CTNND2: variants seen among roughly 807,000 people sequenced by gnomAD.
CTNND2 encodes the protein catenin delta-2.
In CTNND2, 22 loss-of-function variants were observed where a neutral mutation model predicts 144.4. The observed-to-expected ratio is 0.15, with a 90% CI of 0.11 to 0.22. The LOEUF is 0.22. Ranked by LOEUF, CTNND2 falls within the 10% of genes least tolerant of loss-of-function variation. The pLI is 1.00. For synonymous variants in CTNND2, 751 were observed against 695.6 expected (o/e 1.08, Z -1.25); for missense variants, 1,353 against 1,618.8 (o/e 0.84, Z 2.82).
At chr5:11,374,249 G>C (rs1447518159) in intron 7 of CTNND2, among the ~76,000 whole-genome samples, 1 of 152,220 alleles carries the variant, frequency 6.6e-6, no homozygotes, top group African/African-American at 2.4e-5. Context: ...AAATTATGGA[G>C]TGATTGAAAT....
At chr5:10,992,445 G>C in intron 19 of CTNND2, 106 bp downstream of exon 19, 3 of 1,504,672 alleles carry the variant, frequency 2.0e-6, no homozygotes, top group Non-Finnish European at 2.8e-6. Flanking sequence ...GCGAAGGTCT[G>C]AATGGAAGGC....
intron 16 of CTNND2, among the ~76,000 whole-genome samples, chr5:11,080,846 TG>T (rs1366524380): frequency 2.6e-5 from 4 of 151,960 alleles, no homozygotes; most frequent in African/African-American, 9.7e-5. Flanking sequence ...GAGGCCGAGG[TG>T]GGTGGATTAC....
intron 2 of CTNND2, among the ~76,000 whole-genome samples, chr5:11,608,558 C>T (rs964630001): frequency 6.6e-6 from 1 of 152,126 alleles, no homozygotes; most frequent in African/African-American, 2.4e-5. Flanking sequence ...CTACCCCACA[C>T]AAATACATCA....
chr5:11,169,106 C>T (rs1759641620), intron 11 of CTNND2, among the ~76,000 whole-genome samples: 2 of 152,106 alleles, frequency 1.3e-5, no homozygotes, highest in African/African-American at 4.8e-5. Flanking sequence ...CATTTCAAGA[C>T]CCTCCCCTCA....
chr5:11,229,206 G>C (rs1001797072), intron 10 of CTNND2, among the ~76,000 whole-genome samples: 3 of 152,146 alleles, frequency 2.0e-5, no homozygotes, highest in Non-Finnish European at 4.4e-5. Context: ...AATAAAGTTT[G>C]AATTTTTGAA....
At chr5:11,183,441 C>A (rs568911604) in intron 11 of CTNND2, among the ~76,000 whole-genome samples, 3 of 152,266 alleles carry the variant, frequency 2.0e-5, no homozygotes, top group South Asian at 4.2e-4. Context: ...TCAGAAAATG[C>A]CCCAAGGTCA....
intron 2 of CTNND2, among the ~76,000 whole-genome samples, chr5:11,585,993 G>C (rs1778835603): frequency 6.6e-6 from 1 of 152,150 alleles, no homozygotes; most frequent in African/African-American, 2.4e-5. Flanking sequence ...GGAGGCGTGG[G>C]AGGGATGGGT....
In CTNND2 at chr5:11,732,089, T is replaced by G. The variant is rs370489708; in HGVS notation, c.174+47A>C. ...TTAACGTTCATCTAGAAAAACAATT[T>G]TTAAAATGTCCCCAAACGCATATCA... On this transcript the variant is annotated intron_variant, in intron 2 of 21. Coordinates refer to ENST00000304623, the MANE Select transcript of CTNND2 (RefSeq NM_001332.4). 77 of 1,566,276 alleles carry G rather than the reference T, an allele frequency of 4.9e-5. No homozygotes were observed. In the Admixed American group the frequency reaches 1.3e-3, roughly 27 times the overall value.
Position 11,590,726 on chromosome 5 carries a change from C to T in CTNND2, c.175-25670G>A, listed in dbSNP as rs192552332. Among the ~76,000 whole-genome samples the T allele has an allele frequency of 8.8e-3, 1,342 of 152,248 alleles. 13 individuals are homozygous for T. The highest frequency in any genetic ancestry group is 0.021 in the East Asian group (108 of 5,134). ...TGTACTTTGTATGATACATCCTCCC[C>T]GCTCTTGAGAATGTACTTTGTAACA... On this transcript the variant is annotated intron_variant, in intron 2 of 21. Transcript: ENST00000304623.
intron 2 of CTNND2, among the ~76,000 whole-genome samples, chr5:11,700,168 A>G (rs1263803128): frequency 1.3e-5 from 2 of 152,148 alleles, no homozygotes; most frequent in Non-Finnish European, 2.9e-5. Flanking sequence ...AGGGCAGATC[A>G]TTTAAGGTCA....
At chr5:11,568,291 T>C (rs1367407642) in intron 2 of CTNND2, among the ~76,000 whole-genome samples, 3 of 152,200 alleles carry the variant, frequency 2.0e-5, no homozygotes, top group East Asian at 3.9e-4. Flanking sequence ...ATGAACTCCC[T>C]GGACTCTCAG....
chr5:11,212,710 A>G (rs974712356), intron 10 of CTNND2, among the ~76,000 whole-genome samples: 2 of 152,220 alleles, frequency 1.3e-5, no homozygotes, highest in African/African-American at 2.4e-5. Context: ...TGGAGCCCAC[A>G]TGGCTGAGGC....
chr5:11,370,062 AT>A (rs1757328146), intron 7 of CTNND2, among the ~76,000 whole-genome samples: 1 of 152,174 alleles, frequency 6.6e-6, no homozygotes, highest in Admixed American at 6.5e-5. Flanking sequence ...TTAACTCAAA[AT>A]TTCAAAATCA....
At chr5:11,448,504 CTGTG>C (rs572197021) in intron 3 of CTNND2, among the ~76,000 whole-genome samples, 7 of 151,356 alleles carry the variant, frequency 4.6e-5, no homozygotes, top group South Asian at 4.2e-4. Context: ...TATTGTCTGT[CTGTG>C]TGTGTGTGTG....
intron 9 of CTNND2, among the ~76,000 whole-genome samples, chr5:11,277,258 G>A (rs771015803): frequency 4.6e-5 from 7 of 151,740 alleles, no homozygotes; most frequent in African/African-American, 1.7e-4. Flanking sequence ...GAAAATGTAA[G>A]CTTTTGAAAC....
intron 3 of CTNND2, among the ~76,000 whole-genome samples, chr5:11,491,826 A>G (rs1769416989): frequency 1.3e-5 from 2 of 152,186 alleles, no homozygotes; most frequent in Non-Finnish European, 2.9e-5. Context: ...TGTTTTAAAT[A>G]ACATATCTGA....
chr5:11,491,471 C>T (rs904754458), intron 3 of CTNND2, among the ~76,000 whole-genome samples: 22 of 152,120 alleles, frequency 1.4e-4, no homozygotes, highest in Non-Finnish European at 2.5e-4. Context: ...ACTCATGTGT[C>T]GAGAAGTTAA....
intron 9 of CTNND2, among the ~76,000 whole-genome samples, chr5:11,309,580 T>C (rs542660225): frequency 2.0e-5 from 3 of 152,280 alleles, no homozygotes; most frequent in South Asian, 2.1e-4. Flanking sequence ...GGCTCATCCA[T>C]GGAAAGGACT....
intron 13 of CTNND2, among the ~76,000 whole-genome samples, chr5:11,111,397 G>A (rs1226769209): frequency 6.6e-6 from 1 of 152,106 alleles, no homozygotes; most frequent in Non-Finnish European, 1.5e-5. Flanking sequence ...TCCCTGGCTG[G>A]GGATTGGGGA....
Sources: gnomAD v4.1 joint callset for allele counts (sites outside exome capture counted in the v4.1 genomes callset) on GRCh38, gnomAD v4.1.1 for gene constraint, MANE v1.5 for transcripts, NCBI Gene and HGNC (gene_info 2026-07-23, HGNC 2026-07-21) for gene names.